Variants in TAFA4 observed in about 807,000 individuals in gnomAD.
TAFA4 encodes TAFA chemokine like family member 4.
Under a neutral mutation model 21.1 loss-of-function variants are expected in TAFA4, and 20 were observed. That is an observed-to-expected ratio of 0.95 (90% CI 0.67 to 1.38). TAFA4 has a LOEUF of 1.38. TAFA4 is among the 40% of genes most tolerant of loss of function. TAFA4 has a pLI of 0.00. For missense variants in TAFA4, 211 were observed against 180.9 expected, an observed-to-expected ratio of 1.17 and a Z score of -0.95; for synonymous variants, 71 against 67.4, an observed-to-expected ratio of 1.05 and a Z score of -0.26.
At chr3:68,798,500 A>G (rs569452644) in intron 3 of TAFA4, among the ~76,000 whole-genome samples, 1 of 152,190 alleles carries the variant, frequency 6.6e-6, no homozygotes, top group Non-Finnish European at 1.5e-5. Flanking sequence ...CTTAATTTTT[A>G]TAAGAGGGAT....
At chr3:68,763,025 G>T (rs528900890) in intron 3 of TAFA4, among the ~76,000 whole-genome samples, 13 of 152,202 alleles carry the variant, frequency 8.5e-5, no homozygotes, top group Non-Finnish European at 1.6e-4. Flanking sequence ...GCAACAGAGC[G>T]AGACTCCTTT....
At chr3:68,750,516 A>G (rs1283310484) in intron 4 of TAFA4, among the ~76,000 whole-genome samples, 1 of 152,238 alleles carries the variant, frequency 6.6e-6, no homozygotes, top group Non-Finnish European at 1.5e-5. Flanking sequence ...ACTGTTTTCT[A>G]CAAACCTATC....
chr3:68,874,589 G>T (rs1485698485), intron 3 of TAFA4, among the ~76,000 whole-genome samples: 1 of 152,098 alleles, frequency 6.6e-6, no homozygotes, highest in Non-Finnish European at 1.5e-5. Context: ...GAAGAAAAAG[G>T]GAAATTTCTT....
Position 68,769,212 on chromosome 3 carries a change from C to G in TAFA4, c.131-16194G>C, listed in dbSNP as rs1353693827. Among the ~76,000 whole-genome samples the G allele has an allele frequency of 2.6e-5, 4 of 152,262 alleles. No individual in the cohort carries two copies. In the East Asian group the frequency reaches 7.7e-4, roughly 29 times the overall value. The stretch of plus-strand genomic sequence containing the variant: ...ACATGGGAGGGATCTAGGTTGCACG[C>G]TCCTTATGAGAATCTAATGCCTGAT... On this transcript the variant is annotated intron_variant, in intron 3 of 5. Coordinates refer to ENST00000295569, the MANE Select transcript of TAFA4 (RefSeq NM_182522.5).
intron 5 of TAFA4, among the ~76,000 whole-genome samples, chr3:68,733,474 C>T (rs1441283930): frequency 6.6e-6 from 1 of 152,140 alleles, no homozygotes; most frequent in Non-Finnish European, 1.5e-5. Flanking sequence ...TTGTTAATGG[C>T]ACTAGAATTT....
At chr3:68,748,010 C>A (rs980115327) in intron 4 of TAFA4, among the ~76,000 whole-genome samples, 8 of 152,170 alleles carry the variant, frequency 5.3e-5, no homozygotes, top group African/African-American at 1.9e-4. Flanking sequence ...CTTCTACCTA[C>A]TAAATTCAGA....
At chr3:68,852,981 T>C (rs533963307) in intron 3 of TAFA4, among the ~76,000 whole-genome samples, 3 of 152,280 alleles carry the variant, frequency 2.0e-5, no homozygotes, top group Non-Finnish European at 4.4e-5. Context: ...AATAGTGTTC[T>C]GAAGTAATTC....
chr3:68,843,397 A>C (rs1054925797), intron 3 of TAFA4, among the ~76,000 whole-genome samples: 7 of 151,924 alleles, frequency 4.6e-5, no homozygotes, highest in African/African-American at 1.4e-4. Context: ...ACTTTACTGA[A>C]TTATCAGCTT....
At chr3:68,868,134 C>A (rs927919814) in intron 3 of TAFA4, among the ~76,000 whole-genome samples, 4 of 151,810 alleles carry the variant, frequency 2.6e-5, no homozygotes, top group South Asian at 2.1e-4. Context: ...CACACATAGA[C>A]TGAAAGTGAA....
chr3:68,742,200 A>C (rs898235984), intron 4 of TAFA4, among the ~76,000 whole-genome samples: 1 of 129,328 alleles, frequency 7.7e-6, no homozygotes, highest in Non-Finnish European at 1.7e-5. Context: ...AATTTTATAC[A>C]GAAGGAATGT....
intron 3 of TAFA4, among the ~76,000 whole-genome samples, chr3:68,761,694 T>G (rs893854095): frequency 6.6e-6 from 1 of 152,288 alleles, no homozygotes; most frequent in Middle Eastern, 3.4e-3. Context: ...ATGTGACATA[T>G]ATTTTAAAAG....
Position 68,756,267 on chromosome 3 carries a change from C to A in TAFA4, c.131-3249G>T, listed in dbSNP as rs113872334. 3.9e-5 allele frequency among the ~76,000 whole-genome samples: 6 copies of A among 152,220 alleles called. No homozygotes were observed. In the South Asian group the frequency reaches 1.2e-3, roughly 32 times the overall value. ...TTTGCTCTGATAAAAATAACATAAA[C>A]GAGACTGTAGAGGTTCTGTTCAGAA... On this transcript the variant is annotated intron_variant, in intron 3 of 5. Coordinates refer to ENST00000295569, the MANE Select transcript of TAFA4 (RefSeq NM_182522.5).
At chr3:68,784,747 G>A (rs1312066195) in intron 3 of TAFA4, among the ~76,000 whole-genome samples, 1 of 152,176 alleles carries the variant, frequency 6.6e-6, no homozygotes, top group Non-Finnish European at 1.5e-5. Context: ...TCTCTTATCT[G>A]GCCCCACCCA....
chr3:68,872,952 C>T (rs148748149), intron 3 of TAFA4, among the ~76,000 whole-genome samples: 33 of 152,178 alleles, frequency 2.2e-4, no homozygotes, highest in Non-Finnish European at 3.1e-4. Flanking sequence ...TTTAAGATAA[C>T]GTGAACAGCT....
Position 68,753,277 on chromosome 3 carries a change from A to G in TAFA4, c.131-259T>C, listed in dbSNP as rs141238005. 5.9e-3 allele frequency among the ~76,000 whole-genome samples: 890 copies of G among 151,688 alleles called. 9 individuals are homozygous for G. The highest frequency in any genetic ancestry group is 0.024 in the South Asian group (113 of 4,796). ...AACCCCTGGGGTCACACTCATGGTT[A>G]TGACACATTAATTACATGATAAAAG... On this transcript the variant is annotated intron_variant, in intron 3 of 5. Coordinates refer to ENST00000295569, the MANE Select transcript of TAFA4 (RefSeq NM_182522.5).
chr3:68,759,841 A>G (rs1183785843), intron 3 of TAFA4, among the ~76,000 whole-genome samples: 1 of 152,046 alleles, frequency 6.6e-6, no homozygotes, highest in Admixed American at 6.5e-5. Flanking sequence ...TAATCCTTTC[A>G]GTGGCTAAGC....
intron 3 of TAFA4, among the ~76,000 whole-genome samples, chr3:68,783,105 A>G (rs1031743642): frequency 6.6e-6 from 1 of 152,232 alleles, no homozygotes; most frequent in African/African-American, 2.4e-5. Context: ...AATTCTCAGA[A>G]AACTAGAAAT....
At position 68,880,812 on chromosome 3, in the gene TAFA4, C is replaced by A; in HGVS notation, c.48G>T (p.Ser16=). ...ACACGTAGGCTAGAAAGAGCCAGTG[C>A]GACAGCAACACTGACTTAGCACAGA... is the stretch of plus-strand genomic sequence containing the variant. ...MRVCAKSVLL[S]HWLFLAYVLM... is the part of the protein sequence containing the mutation. Residue 16 remains serine, a synonymous_variant, in exon 3 of 6, where the codon TCG becomes TCT. Transcript: ENST00000295569. 1 of 1,613,640 alleles carries A rather than the reference C, an allele frequency of 6.2e-7. No individual in the cohort carries two copies. Among genetic ancestry groups the A allele is most frequent in the Non-Finnish European group, 8.5e-7 (1 of 1,179,936 alleles).
chr3:68,917,785 G>T (rs1056452787), intron 1 of TAFA4, among the ~76,000 whole-genome samples: 11 of 134,118 alleles, frequency 8.2e-5, no homozygotes, highest in Non-Finnish European at 1.5e-4. Context: ...AAAGTTCCCA[G>T]GAACAATGGT....
Sources: allele counts gnomAD v4.1 joint callset (sites outside exome capture counted in the v4.1 genomes callset), GRCh38; gene constraint gnomAD v4.1.1; transcripts MANE v1.5; gene names NCBI Gene and HGNC (gene_info 2026-07-23, HGNC 2026-07-21).